CHIA: variants seen among roughly 807,000 people sequenced by gnomAD.
The protein encoded by CHIA is acidic mammalian chitinase.
A neutral mutation model predicts 53.5 loss-of-function variants in CHIA; 47 were observed. That is an observed-to-expected ratio of 0.88 (90% CI 0.70 to 1.12). The LOEUF (loss-of-function observed/expected upper bound fraction) is 1.12. Ranked by LOEUF, CHIA falls within the 50% of genes most tolerant of loss-of-function variation. The pLI is 0.00. For synonymous variants in CHIA, 268 were observed against 222.2 expected, an observed-to-expected ratio of 1.21 and a Z score of -1.83; for missense variants, 652 against 592.2, an observed-to-expected ratio of 1.10 and a Z score of -1.05.
intron 8 of CHIA, 114 bp from the exon 9 acceptor site, chr1:111,318,379 A>G: frequency 2.1e-5 from 20 of 971,762 alleles, no homozygotes; most frequent in Non-Finnish European, 2.9e-5. Flanking sequence ...AAAAAATACT[A>G]ATCCATCTGG....
In CHIA at chr1:111,307,891, C is replaced by T. The variant is rs1036398556; in HGVS notation, c.-68-2509C>T. Among the ~76,000 whole-genome samples the T allele has an allele frequency of 3.9e-5, 6 of 152,300 alleles. No individual in the cohort carries two copies. The East Asian group carries it at 9.7e-4, about 25-fold the overall frequency. ...TCCTGACCTCAGGTGATCCACCCGC[C>T]TTGGCCTCCCAAAGTGCTGGGATTA... On this transcript the variant is annotated intron_variant, in intron 1 of 11. Transcript: ENST00000369740.
At chr1:111,310,312 G>A (rs1648559206) in intron 1 of CHIA, 88 bp from the exon 2 acceptor site, 7 of 1,433,042 alleles carry the variant, frequency 4.9e-6, no homozygotes, top group Non-Finnish European at 5.5e-6. Context: ...GTAGGTTGAA[G>A]GTCTTGGGAG....
intron 6 of CHIA, chr1:111,316,811 G>A (rs970730315): frequency 2.0e-5 from 3 of 152,154 alleles, no homozygotes; most frequent in African/African-American, 7.2e-5. Context: ...CCTCTGAATA[G>A]TTTCAATGTT....
intron 6 of CHIA, 83 bp from the exon 7 acceptor site, chr1:111,317,598 T>A (rs1649259656): frequency 6.8e-7 from 1 of 1,475,136 alleles, no homozygotes; most frequent in Non-Finnish European, 9.4e-7. Context: ...AGAGAAGCAT[T>A]ATACAGACAT....
chr1:111,297,583 CAT>C (rs1342302739), intron 1 of CHIA, among the ~76,000 whole-genome samples: 1 of 152,100 alleles, frequency 6.6e-6, no homozygotes, highest in East Asian at 1.9e-4. Context: ...AAGCACTAAA[CAT>C]AGAAAGGAAC....
chr1:111,302,841 C>T (rs6671210), intron 1 of CHIA, among the ~76,000 whole-genome samples: 44,084 of 151,804 alleles, frequency 0.29, 6,889 homozygotes, highest in African/African-American at 0.39. Context: ...TTACTGAGAA[C>T]GGGCTATTGA....
intron 1 of CHIA, 36 bp downstream of exon 1, chr1:111,290,986 C>T (rs1660979410): frequency 2.6e-6 from 1 of 385,322 alleles, no homozygotes; most frequent in Admixed American, 3.7e-5. Flanking sequence ...TTCCCTTCTC[C>T]CTTTCCCATT....
At chr1:111,293,488 C>A (rs1265276381) in intron 1 of CHIA, among the ~76,000 whole-genome samples, 1 of 152,160 alleles carries the variant, frequency 6.6e-6, no homozygotes, top group African/African-American at 2.4e-5. Context: ...TTCTGAATAT[C>A]TCTTATCAGA....
In CHIA at chr1:111,310,444, G is replaced by C; in HGVS notation, c.-24G>C. 1.3e-6 allele frequency: 2 copies of C among 1,580,200 alleles called. No individual in the cohort carries two copies. Among genetic ancestry groups the C allele is most frequent in the Non-Finnish European group, 1.7e-6 (2 of 1,159,756 alleles). ...AGAATCAGAACATATAAAAAGCTCTGCGGGACTGGTGCTGACTGCAACCAT... is the reference window on the plus strand; with the variant it reads ...AGAATCAGAACATATAAAAAGCTCTCCGGGACTGGTGCTGACTGCAACCAT... On this transcript the variant is annotated 5_prime_UTR_variant, in exon 2 of 12. Transcript: ENST00000369740.
At chr1:111,320,142 T>G (rs1233294429) in intron 11 of CHIA, 71 bp from the exon 12 acceptor site, 8 of 1,404,934 alleles carry the variant, frequency 5.7e-6, no homozygotes, top group Non-Finnish European at 7.9e-6. Context: ...CCCACAGTTC[T>G]CTTCACCTCT....
intron 1 of CHIA, among the ~76,000 whole-genome samples, chr1:111,300,411 C>T (rs1356433029): frequency 6.6e-6 from 1 of 152,100 alleles, no homozygotes; most frequent in Non-Finnish European, 1.5e-5. Flanking sequence ...AGAATAGAGG[C>T]CTCAGAAATA....
chr1:111,293,327 T>G lies in CHIA; in HGVS notation c.-69+2377T>G, dbSNP rs72984133. Among the ~76,000 whole-genome samples, 965 of 152,332 alleles carry G rather than the reference T, an allele frequency of 6.3e-3. 13 individuals are homozygous for G. Among genetic ancestry groups the G allele is most frequent in the African/African-American group, 0.021 (891 of 41,580 alleles). On this transcript the variant is annotated intron_variant, in intron 1 of 11. Coordinates refer to ENST00000369740, the MANE Select transcript of CHIA (RefSeq NM_201653.4). ...GTAGATTTGATAGGCATTTCCTTAA[T>G]GATTAATGGCATTAAGCATCTTTTT...
At chr1:111,296,503 A>G (rs1661346455) in intron 1 of CHIA, among the ~76,000 whole-genome samples, 1 of 152,214 alleles carries the variant, frequency 6.6e-6, no homozygotes, top group Admixed American at 6.5e-5. Flanking sequence ...AAGGAAAACT[A>G]ACAAACAAAA....
At chr1:111,307,800 C>A (rs977155560) in intron 1 of CHIA, among the ~76,000 whole-genome samples, 4 of 152,072 alleles carry the variant, frequency 2.6e-5, no homozygotes, top group Admixed American at 1.3e-4. Context: ...TGCCACCACA[C>A]CCAGCTAATT....
chr1:111,320,112 C>T, intron 11 of CHIA, 101 bp from the exon 12 acceptor site: 1 of 1,063,598 alleles, frequency 9.4e-7, no homozygotes, highest in Non-Finnish European at 1.4e-6. Context: ...CCAACTGCAC[C>T]CCACCTCCAC....
At position 111,312,282 on chromosome 1, in the gene CHIA, C is replaced by T; in HGVS notation, c.148C>T (p.Leu50Phe). The T allele has an allele frequency of 1.9e-6, 3 of 1,614,020 alleles. No individual in the cohort carries two copies. The highest frequency in any genetic ancestry group is 2.5e-6 in the Non-Finnish European group (3 of 1,179,934). The change falls in exon 4 of 12, where the codon CTC (leucine) becomes TTC (phenylalanine). Residue 50 changes from leucine to phenylalanine, a missense_variant. Transcript: ENST00000369740. ...RFMPDNIDPC[L>F]CTHLIYAFAG... ...CATGCCTGACAACATCGACCCCTGC[C>T]TCTGTACCCACCTGATCTACGCCTT...
rs778188110 is a variant in CHIA, at chr1:111,312,393, T to G, written c.257+2T>G. 52 of 1,610,038 alleles carry G rather than the reference T, an allele frequency of 3.2e-5. 1 individual carries two copies. The highest frequency in any genetic ancestry group is 4.3e-5 in the Non-Finnish European group (50 of 1,176,430). ...AGCTTTCAATGGCCTGAAAAATAAG[T>G]AGGATGAGGGAGATATTTAATTTGG... On this transcript the variant is annotated splice_donor_variant, in intron 4 of 11. Transcript: ENST00000369740. LOFTEE classifies it high-confidence loss of function.
intron 3 of CHIA, 87 bp downstream of exon 3, chr1:111,311,805 A>T: frequency 1.4e-6 from 2 of 1,405,478 alleles, no homozygotes; most frequent in South Asian, 2.3e-5. Context: ...TTTGCTTCAC[A>T]GACAGATGGG....
chr1:111,291,835 G>GA (rs1057333519), intron 1 of CHIA, among the ~76,000 whole-genome samples: 2 of 150,570 alleles, frequency 1.3e-5, no homozygotes, highest in African/African-American at 4.9e-5. Flanking sequence ...CCTGTCGGGG[G>GA]GGGGTGGGGG....
Sources: allele counts gnomAD v4.1 joint callset (sites outside exome capture counted in the v4.1 genomes callset), GRCh38; gene constraint gnomAD v4.1.1; transcripts MANE v1.5; gene names NCBI Gene and HGNC (gene_info 2026-07-23, HGNC 2026-07-21).